Variants in ZNF804A observed in about 807,000 individuals in gnomAD.
ZNF804A encodes zinc finger protein 804A.
ZNF804A carries 2 observed loss-of-function variants against 16.5 expected under a neutral mutation model. That is an observed-to-expected ratio of 0.12 (90% confidence interval 0.05 to 0.38). The LOEUF (loss-of-function observed/expected upper bound fraction) is 0.38. Ranked by LOEUF, ZNF804A falls within the 10% of genes least tolerant of loss-of-function variation. The pLI, the probability that ZNF804A is intolerant of heterozygous loss-of-function variation, is 0.99. For missense variants in ZNF804A, 1,473 were observed against 1,390.7 expected (o/e 1.06, Z -0.94); for synonymous variants, 534 against 489.6 (o/e 1.09, Z -1.20).
In ZNF804A at chr2:184,936,968, T is replaced by A; in HGVS notation, c.1572T>A (p.Thr524=). 1 of 1,613,976 alleles carries A rather than the reference T, an allele frequency of 6.2e-7. No homozygotes were observed. Among genetic ancestry groups the A allele is most frequent in the Non-Finnish European group, 8.5e-7 (1 of 1,179,950 alleles). ...GCAAAAATAAATGCAGCCAAGTCAC[T>A]CCTCTTTTGGCTGATGATATTCTCT... ...GSSKNKCSQV[T]PLLADDILSS... The change falls in exon 4 of 4, where the codon ACT becomes ACA. Residue 524 remains threonine, a synonymous_variant. Coordinates refer to ENST00000302277, the MANE Select transcript of ZNF804A (RefSeq NM_194250.2).
chr2:184,810,242 AT>A (rs1375546944), intron 1 of ZNF804A, among the ~76,000 whole-genome samples: 1 of 152,084 alleles, frequency 6.6e-6, no homozygotes, highest in African/African-American at 2.4e-5. Flanking sequence ...AATATTTGCA[AT>A]TTTTATAGAG....
chr2:184,751,057 T>G (rs1252361861), intron 1 of ZNF804A, among the ~76,000 whole-genome samples: 2 of 151,518 alleles, frequency 1.3e-5, no homozygotes, highest in Non-Finnish European at 3.0e-5. Context: ...ATATATCATA[T>G]TACTTATCCA....
intron 1 of ZNF804A, among the ~76,000 whole-genome samples, chr2:184,802,137 C>T (rs534089615): frequency 6.6e-6 from 1 of 152,290 alleles, no homozygotes; most frequent in East Asian, 1.9e-4. Flanking sequence ...GGGTACCTTT[C>T]AGAATCCTGT....
At chr2:184,783,318 C>A (rs1694401622) in intron 1 of ZNF804A, among the ~76,000 whole-genome samples, 1 of 150,804 alleles carries the variant, frequency 6.6e-6, no homozygotes, top group African/African-American at 2.4e-5. Flanking sequence ...CAGAAGCTTC[C>A]AAGTTTTTAT....
intron 2 of ZNF804A, among the ~76,000 whole-genome samples, chr2:184,867,489 ATCCTGCAGTCGT>A (rs1348507086): frequency 1.1e-4 from 17 of 152,080 alleles, no homozygotes; most frequent in Admixed American, 1.1e-3. Context: ...TTTGCTGTCA[ATCCTGCAGTCGT>A]TCATACCAAC....
rs917094109 is a variant in ZNF804A at position 184,692,885 on chromosome 2, T to TA, written c.111+93823dup. Among the ~76,000 whole-genome samples the TA allele has an allele frequency of 1.1e-4, 17 of 151,962 alleles. 1 individual carries two copies. The highest frequency in any genetic ancestry group is 3.4e-4 in the African/African-American group (14 of 41,490). ...TAGAGTTACTATGCCTTCAGACAAA[T>TA]AAAAAAAATACATAGCTATCACCTT... On this transcript the variant is annotated intron_variant, in intron 1 of 3. Transcript: ENST00000302277.
At position 184,783,614 on chromosome 2, in the gene ZNF804A, T is replaced by C. The variant is rs73043262; in HGVS notation, c.112-82755T>C. Among the ~76,000 whole-genome samples the C allele has an allele frequency of 7.3e-3, 1,112 of 152,064 alleles. 11 individuals are homozygous for C. Among genetic ancestry groups the C allele is most frequent in the African/African-American group, 0.026 (1,067 of 41,514 alleles). On this transcript the variant is annotated intron_variant, in intron 1 of 3. Coordinates refer to ENST00000302277, the MANE Select transcript of ZNF804A (RefSeq NM_194250.2). ...TTCTGTTGTTTTGCCTTTATGGTTTTCTGTTTTATCTATGAATGGAAAACC... is the reference window on the plus strand; with the variant it reads ...TTCTGTTGTTTTGCCTTTATGGTTTCCTGTTTTATCTATGAATGGAAAACC...
intron 1 of ZNF804A, among the ~76,000 whole-genome samples, chr2:184,793,937 T>C (rs775937868): frequency 6.6e-6 from 1 of 152,172 alleles, no homozygotes; most frequent in African/African-American, 2.4e-5. Flanking sequence ...TTCCATCATA[T>C]ACATACACCA....
chr2:184,657,871 A>T (rs1423628927), intron 1 of ZNF804A, among the ~76,000 whole-genome samples: 1 of 152,170 alleles, frequency 6.6e-6, no homozygotes, highest in Non-Finnish European at 1.5e-5. Flanking sequence ...GGAAGGAGAG[A>T]GATCAAATGG....
intron 2 of ZNF804A, among the ~76,000 whole-genome samples, chr2:184,932,386 G>T (rs887979047): frequency 1.3e-5 from 2 of 152,184 alleles, no homozygotes; most frequent in Non-Finnish European, 2.9e-5. Flanking sequence ...CTTGGTGGAA[G>T]GCAAAGGAGG....
In ZNF804A at chr2:184,675,641, C is replaced by T. The variant is rs144683774; in HGVS notation, c.111+76571C>T. ...TTAACTCACTGAATTCTCACAATAA[C>T]GCTATTAAATAGATACTTTTTAAAT... On this transcript the variant is annotated intron_variant, in intron 1 of 3. Transcript: ENST00000302277. Among the ~76,000 whole-genome samples, 1,430 of 151,748 alleles carry T rather than the reference C, an allele frequency of 9.4e-3. 26 individuals carry two copies. Among genetic ancestry groups the T allele is most frequent in the African/African-American group, 0.033 (1,367 of 41,488 alleles).
chr2:184,863,554 TA>T (rs35088942), intron 1 of ZNF804A, among the ~76,000 whole-genome samples: 8,281 of 143,494 alleles, frequency 0.058, 267 homozygotes, highest in Middle Eastern at 0.09. Flanking sequence ...TCAAACTTAT[TA>T]AAAAAAAAAA....
At chr2:184,892,359 T>A (rs1399993723) in intron 2 of ZNF804A, among the ~76,000 whole-genome samples, 1 of 152,004 alleles carries the variant, frequency 6.6e-6, no homozygotes, top group Non-Finnish European at 1.5e-5. Flanking sequence ...ACAAGGGTAA[T>A]GTGCATTTTT....
At chr2:184,845,761 G>C (rs1043639767) in intron 1 of ZNF804A, among the ~76,000 whole-genome samples, 4 of 152,014 alleles carry the variant, frequency 2.6e-5, no homozygotes, top group African/African-American at 2.4e-5. Context: ...TGAAAGGAAT[G>C]CCCACAAAAT....
In ZNF804A at chr2:184,776,136, A is replaced by G. The variant is rs140826286; in HGVS notation, c.112-90233A>G. 7.6e-3 allele frequency among the ~76,000 whole-genome samples: 1,157 copies of G among 151,790 alleles called. 17 individuals carry two copies. Among genetic ancestry groups the G allele is most frequent in the African/African-American group, 0.027 (1,100 of 41,508 alleles). On this transcript the variant is annotated intron_variant, in intron 1 of 3. Coordinates refer to ENST00000302277, the MANE Select transcript of ZNF804A (RefSeq NM_194250.2). ...ATACCCTAACATAGTTTCTTAGAAA[A>G]AAGAACAGTTAAATCATAAATAAAA... is the stretch of plus-strand genomic sequence containing the variant.
intron 1 of ZNF804A, among the ~76,000 whole-genome samples, chr2:184,676,833 T>A (rs1692444075): frequency 6.6e-6 from 1 of 151,766 alleles, no homozygotes; most frequent in Non-Finnish European, 1.5e-5. Context: ...GTGGACTATG[T>A]TCAGTACATC....
chr2:184,724,513 G>A (rs903269036), intron 1 of ZNF804A, among the ~76,000 whole-genome samples: 3 of 151,568 alleles, frequency 2.0e-5, no homozygotes, highest in Non-Finnish European at 3.0e-5. Context: ...ACGGAAGCAT[G>A]AGAAATCTTG....
chr2:184,915,067 A>C (rs568566321), intron 2 of ZNF804A, among the ~76,000 whole-genome samples: 1 of 151,996 alleles, frequency 6.6e-6, no homozygotes, highest in East Asian at 1.9e-4. Context: ...TTTATATTTC[A>C]AATTTAAATT....
At chr2:184,914,214 C>G (rs1401196777) in intron 2 of ZNF804A, among the ~76,000 whole-genome samples, 1 of 152,124 alleles carries the variant, frequency 6.6e-6, no homozygotes, top group Non-Finnish European at 1.5e-5. Context: ...GGATACAGGC[C>G]AGCATCTTAC....
Sources: gnomAD v4.1 joint callset for allele counts (sites outside exome capture counted in the v4.1 genomes callset) on GRCh38, gnomAD v4.1.1 for gene constraint, MANE v1.5 for transcripts, NCBI Gene and HGNC (gene_info 2026-07-23, HGNC 2026-07-21) for gene names.